The following PPP2R2B variants were observed in gnomAD, a reference collection of about 807,000 sequenced individuals.
PPP2R2B encodes serine/threonine-protein phosphatase 2A 55 kDa regulatory subunit B beta isoform.
Under a neutral mutation model 46.0 loss-of-function variants are expected in PPP2R2B, and 5 were observed. That is an observed-to-expected ratio of 0.11 (90% CI 0.06 to 0.23). The LOEUF (loss-of-function observed/expected upper bound fraction) is 0.23, where lower values mean the gene tolerates loss of function less well. Among genes scored for constraint, PPP2R2B ranks in the 10% least tolerant of loss-of-function variants. The pLI, the probability that PPP2R2B is intolerant of heterozygous loss-of-function variation, is 1.00. For synonymous variants in PPP2R2B, 215 were observed against 206.7 expected (o/e 1.04, Z -0.34); for missense variants, 367 against 575.0 (o/e 0.64, Z 3.70).
intron 9 of PPP2R2B, among the ~76,000 whole-genome samples, chr5:146,591,568 TGGG>T (rs1424022027): frequency 1.3e-5 from 2 of 151,634 alleles, no homozygotes; most frequent in African/African-American, 4.9e-5. Context: ...TGGTTGACTC[TGGG>T]GCATAAGTAT....
chr5:147,022,042 A>G (rs997441816), intron 1 of PPP2R2B, among the ~76,000 whole-genome samples: 1 of 152,210 alleles, frequency 6.6e-6, no homozygotes, highest in African/African-American at 2.4e-5. Context: ...AATTTACTGG[A>G]TGAGCTTCAA....
chr5:147,077,649 G>C (rs1247501216), intron 2 of PPP2R2B, among the ~76,000 whole-genome samples: 1 of 152,164 alleles, frequency 6.6e-6, no homozygotes, highest in Non-Finnish European at 1.5e-5. Flanking sequence ...GGCAGTGCTA[G>C]TGGAGGTTAA....
intron 7 of PPP2R2B, among the ~76,000 whole-genome samples, chr5:146,634,014 T>C (rs1446777953): frequency 1.3e-5 from 2 of 152,224 alleles, no homozygotes; most frequent in African/African-American, 4.8e-5. Context: ...GACAGTGTGG[T>C]TAATGTTATG....
At chr5:146,641,707 C>T (rs1294890262) in intron 6 of PPP2R2B, among the ~76,000 whole-genome samples, 5 of 151,950 alleles carry the variant, frequency 3.3e-5, no homozygotes, top group African/African-American at 9.7e-5. Flanking sequence ...AGGCATTTTC[C>T]CCTGCACAAC....
rs549261888 is a variant in PPP2R2B at position 146,714,323 on chromosome 5, C to T, written c.71-13181G>A. On this transcript the variant is annotated intron_variant, in intron 2 of 9. Coordinates refer to ENST00000394411, the MANE Select transcript of PPP2R2B (RefSeq NM_181675.4). ...TGGGATGGTGGCCATAAAACTTGAT[C>T]GGAGTAGGTTTCAGAGAGAATGGGA... Among the ~76,000 whole-genome samples, 63 of 151,966 alleles carry T rather than the reference C, an allele frequency of 4.1e-4. No individual in the cohort carries two copies. The South Asian group carries it at 0.013, about 30-fold the overall frequency.
intron 1 of PPP2R2B, among the ~76,000 whole-genome samples, chr5:146,889,937 G>A (rs1439758860): frequency 1.3e-5 from 2 of 152,166 alleles, no homozygotes; most frequent in African/African-American, 2.4e-5. Flanking sequence ...GATGATGAAA[G>A]CCTAGAGAAA....
rs535014370 is a variant in PPP2R2B, at chr5:146,937,311, A to C, written c.79+118354T>G. Among the ~76,000 whole-genome samples the C allele has an allele frequency of 1.7e-4, 26 of 152,096 alleles. No homozygotes were observed. In the Middle Eastern group the frequency reaches 0.01, roughly 60 times the overall value. ...GTGAGACTCCGTCTCAGAAAAAAAA[A>C]AAAAGGGGGGTTACTAGTAACTTCC... is the stretch of plus-strand genomic sequence containing the variant. On this transcript the variant is annotated intron_variant, in intron 1 of 8. Transcript: ENST00000336640.
At chr5:146,843,533 T>C (rs1759796031) in intron 2 of PPP2R2B, among the ~76,000 whole-genome samples, 1 of 152,334 alleles carries the variant, frequency 6.6e-6, no homozygotes, top group Non-Finnish European at 1.5e-5. Flanking sequence ...AGGATTAGAA[T>C]AGTCACAGGT....
chr5:147,081,491 T>G (rs1757965973), upstream of PPP2R2B: 2 of 594,514 alleles, frequency 3.4e-6, no homozygotes, highest in African/African-American at 1.9e-5. Flanking sequence ...ACGGGAATAC[T>G]AATGCTTTTG....
intron 6 of PPP2R2B, among the ~76,000 whole-genome samples, chr5:146,647,668 C>A (rs955378225): frequency 1.3e-5 from 2 of 152,140 alleles, no homozygotes; most frequent in Admixed American, 1.3e-4. Flanking sequence ...TCCCAAAATG[C>A]CTAAAGAAAC....
At chr5:146,831,081 A>G (rs1045590718) in intron 2 of PPP2R2B, among the ~76,000 whole-genome samples, 2 of 152,186 alleles carry the variant, frequency 1.3e-5, no homozygotes, top group African/African-American at 4.8e-5. Flanking sequence ...CGTTATGTAC[A>G]GTATGTGATA....
At chr5:146,659,959 A>C (rs1374958625) in intron 5 of PPP2R2B, among the ~76,000 whole-genome samples, 1 of 152,210 alleles carries the variant, frequency 6.6e-6, no homozygotes, top group Non-Finnish European at 1.5e-5. Flanking sequence ...TTCAGTCATG[A>C]TTATATAATG....
At chr5:146,989,667 T>G (rs1211372131) in intron 1 of PPP2R2B, among the ~76,000 whole-genome samples, 1 of 151,834 alleles carries the variant, frequency 6.6e-6, no homozygotes, top group Non-Finnish European at 1.5e-5. Flanking sequence ...AGTTGAAAGG[T>G]TTTTCTCTAA....
At chr5:146,984,507 C>T (rs905679944) in intron 1 of PPP2R2B, among the ~76,000 whole-genome samples, 4 of 152,150 alleles carry the variant, frequency 2.6e-5, no homozygotes, top group African/African-American at 4.8e-5. Context: ...TAGACTGATT[C>T]CATAACTTGG....
At chr5:147,016,165 T>A (rs1333322605) in intron 1 of PPP2R2B, among the ~76,000 whole-genome samples, 1 of 151,458 alleles carries the variant, frequency 6.6e-6, no homozygotes, top group Non-Finnish European at 1.5e-5. Flanking sequence ...GCAAGATCCA[T>A]CTCTACAAAA....
intron 2 of PPP2R2B, among the ~76,000 whole-genome samples, chr5:146,760,019 T>C (rs908611503): frequency 6.6e-6 from 1 of 152,174 alleles, no homozygotes; most frequent in Admixed American, 6.5e-5. Context: ...AACTTTTGGG[T>C]AACAAGAAAG....
intron 2 of PPP2R2B, among the ~76,000 whole-genome samples, chr5:147,071,564 C>T (rs73310647): frequency 0.047 from 7,175 of 152,184 alleles, 296 homozygotes; most frequent in African/African-American, 0.11. Context: ...CCAGATAAGC[C>T]CTTGCCTCAG....
chr5:147,064,173 CTACATCTGGAT>C (rs1561608639), intron 2 of PPP2R2B, among the ~76,000 whole-genome samples: 3 of 152,196 alleles, frequency 2.0e-5, no homozygotes, highest in African/African-American at 7.2e-5. Context: ...ATCAGTTCCT[CTACATCTGGAT>C]TACATCTGGA....
In PPP2R2B at chr5:146,647,934, A is replaced by G. The variant is rs562048158; in HGVS notation, c.625+2613T>C. 3.3e-5 allele frequency among the ~76,000 whole-genome samples: 5 copies of G among 152,336 alleles called. No individual in the cohort carries two copies. In the South Asian group the frequency reaches 1.0e-3, roughly 32 times the overall value. On this transcript the variant is annotated intron_variant, in intron 6 of 9. Transcript: ENST00000394411. ...ACAAAATATGCCAGGCATGGTCCTG[A>G]TGGTCAGTTCTCATTGTCTCCAAAT...
Sources: allele counts gnomAD v4.1 joint callset (sites outside exome capture counted in the v4.1 genomes callset), GRCh38; gene constraint gnomAD v4.1.1; transcripts MANE v1.5; gene names NCBI Gene and HGNC (gene_info 2026-07-23, HGNC 2026-07-21).